The following PI4KA variants were observed in gnomAD, a reference collection of about 807,000 sequenced individuals.
PI4KA encodes PI4-kinase alpha.
Under a neutral mutation model 271.4 loss-of-function variants are expected in PI4KA, and 122 were observed. The observed-to-expected ratio is 0.45, with a 90% confidence interval of 0.39 to 0.52. The LOEUF is 0.52. Ranked by LOEUF, PI4KA falls within the 20% of genes least tolerant of loss-of-function variation. The pLI is 0.00. For missense variants in PI4KA, 1,969 were observed against 2,769.1 expected (o/e 0.71, Z 6.48); for synonymous variants, 1,041 against 1,078.8 (o/e 0.96, Z 0.69).
chr22:20,743,600 C>T (rs1929714817), intron 30 of PI4KA, among the ~76,000 whole-genome samples: 4 of 152,276 alleles, frequency 2.6e-5, no homozygotes, highest in Middle Eastern at 6.8e-3. Flanking sequence ...GGATTACTGG[C>T]GTGAGCCACT....
rs549078223 is a variant in PI4KA at position 20,832,306 on chromosome 22, G to A, written c.367+2256C>T. On this transcript the variant is annotated intron_variant, in intron 3 of 54. Coordinates refer to ENST00000255882, the MANE Select transcript of PI4KA (RefSeq NM_058004.4). ...CGATTTTTGTATTTTTGGTAAAGAT[G>A]GGGTTTCATCACCTTGGCAAGGCTG... 2.6e-5 allele frequency among the ~76,000 whole-genome samples: 4 copies of A among 151,872 alleles called. No homozygotes were observed. The East Asian group carries it at 7.8e-4, about 30-fold the overall frequency.
chr22:20,750,770 AGTTGCAGTCTT>A (rs1930593780), intron 27 of PI4KA, among the ~76,000 whole-genome samples: 1 of 152,188 alleles, frequency 6.6e-6, no homozygotes, highest in Non-Finnish European at 1.5e-5. Context: ...CTGTGAGCTG[AGTTGCAGTCTT>A]GCCACAGTGA....
intron 42 of PI4KA, among the ~76,000 whole-genome samples, chr22:20,726,007 TTTTG>T (rs149776528): frequency 0.026 from 3,972 of 152,192 alleles, 170 homozygotes; most frequent in African/African-American, 0.091. Context: ...AATTCATGTT[TTTTG>T]TTTGTTTGTT....
At chr22:20,815,939 CTTT>C (rs371208616) in intron 7 of PI4KA, among the ~76,000 whole-genome samples, 4 of 146,162 alleles carry the variant, frequency 2.7e-5, no homozygotes, top group African/African-American at 1.0e-4. Context: ...ATTGAAACTT[CTTT>C]TTTTTTTTTC....
intron 19 of PI4KA, chr22:20,780,083 C>G: frequency 6.2e-7 from 1 of 1,614,136 alleles, no homozygotes; most frequent in Non-Finnish European, 8.5e-7. Context: ...CAGACCCTGC[C>G]TTCATATCAA....
intron 19 of PI4KA, among the ~76,000 whole-genome samples, chr22:20,792,928 C>T (rs997267068): frequency 5.9e-5 from 9 of 152,152 alleles, no homozygotes; most frequent in South Asian, 2.1e-4. Flanking sequence ...GGGAGCCACC[C>T]GGCAGGGAAC....
At position 20,742,610 on chromosome 22, in the gene PI4KA, T is replaced by G; in HGVS notation, c.3611A>C (p.Lys1204Thr). 2 of 1,614,148 alleles carry G rather than the reference T, an allele frequency of 1.2e-6. No homozygotes were observed. Among genetic ancestry groups the G allele is most frequent in the Non-Finnish European group, 1.7e-6 (2 of 1,180,006 alleles). ...TCCACAGTGCTTCAGTGAGTTACCT[T>G]TACTGCTAATGAGCATTGCGGTCAG... ...FKLTAMLISS[K>T]DCDPQLLHHL... The change falls in exon 31 of 55, where the codon AAA (lysine) becomes ACA (threonine). Residue 1204 changes from lysine to threonine, a missense_variant and splice_region_variant. Coordinates refer to ENST00000255882, the MANE Select transcript of PI4KA (RefSeq NM_058004.4).
In PI4KA at chr22:20,727,757, T is replaced by A; in HGVS notation, c.4773+17A>T. 1 of 1,596,240 alleles carries A rather than the reference T, an allele frequency of 6.3e-7. No individual in the cohort carries two copies. Among genetic ancestry groups the A allele is most frequent in the Non-Finnish European group, 8.6e-7 (1 of 1,163,978 alleles). ...TGTGCAGTTTGAACTCAGGCCCTGGTACGTGGGCTACACTACCTTGATTGC... is the reference window on the plus strand; with the variant it reads ...TGTGCAGTTTGAACTCAGGCCCTGGAACGTGGGCTACACTACCTTGATTGC... On this transcript the variant is annotated intron_variant, in intron 40 of 54. Coordinates refer to ENST00000255882, the MANE Select transcript of PI4KA (RefSeq NM_058004.4).
At chr22:20,747,255 G>A (rs1033573347) in intron 29 of PI4KA, among the ~76,000 whole-genome samples, 4 of 152,082 alleles carry the variant, frequency 2.6e-5, no homozygotes, top group Admixed American at 2.0e-4. Context: ...GTGGCATCGC[G>A]CTGCCCGTGT....
intron 37 of PI4KA, 34 bp downstream of exon 37, chr22:20,729,858 A>G (rs200231868): frequency 2.4e-5 from 38 of 1,613,346 alleles, no homozygotes; most frequent in Non-Finnish European, 3.2e-5. Flanking sequence ...GATAGCTTGC[A>G]TGTGATGGCC....
At chr22:20,726,879 C>T (rs1226693437) in intron 41 of PI4KA, among the ~76,000 whole-genome samples, 1 of 151,974 alleles carries the variant, frequency 6.6e-6, no homozygotes, top group Non-Finnish European at 1.5e-5. Flanking sequence ...TGGGCTCCCA[C>T]AAGGAGTGAG....
intron 9 of PI4KA, among the ~76,000 whole-genome samples, chr22:20,807,691 TCTGCAC>T (rs1464098146): frequency 6.6e-5 from 10 of 152,190 alleles, no homozygotes; most frequent in Admixed American, 5.9e-4. Context: ...GGAGCAGCCA[TCTGCAC>T]CCTAGTAGGA....
intron 8 of PI4KA, among the ~76,000 whole-genome samples, chr22:20,811,692 C>A (rs973205896): frequency 6.6e-6 from 1 of 150,716 alleles, no homozygotes; most frequent in Non-Finnish European, 1.5e-5. Flanking sequence ...TGATAAACAT[C>A]CTAGGAAAAG....
At chr22:20,833,295 A>G (rs1266757517) in intron 3 of PI4KA, among the ~76,000 whole-genome samples, 1 of 152,162 alleles carries the variant, frequency 6.6e-6, no homozygotes, top group African/African-American at 2.4e-5. Context: ...CCACAGCCAC[A>G]ACACTCTGAA....
chr22:20,727,267 G>A lies in PI4KA; in HGVS notation c.4904C>T (p.Ala1635Val), dbSNP rs376324471. The change falls in exon 41 of 55, where the codon GCG becomes GTG. Residue 1635 changes from alanine to valine, a missense_variant. This residue lies in a region of PI4KA where 388 missense variants were observed against 521.5 expected (regional missense o/e 0.74). Coordinates refer to ENST00000255882, the MANE Select transcript of PI4KA (RefSeq NM_058004.4). ...SSMYPPHPLTAQYGVKVLRSF... is the reference protein window; with the variant it reads ...SSMYPPHPLTVQYGVKVLRSF... ...CCGCAGGACTTTCACCCCGTACTGCGCCGTGAGAGGGTGCGGCGGGTACAT... is the reference window on the plus strand; with the variant it reads ...CCGCAGGACTTTCACCCCGTACTGCACCGTGAGAGGGTGCGGCGGGTACAT... 1.7e-5 allele frequency: 27 copies of A among 1,613,340 alleles called. No homozygotes were observed. Among genetic ancestry groups the A allele is most frequent in the Non-Finnish European group, 2.0e-5 (24 of 1,179,946 alleles).
chr22:20,827,460 G>A lies in PI4KA; in HGVS notation c.368-3046C>T, dbSNP rs182576309. On this transcript the variant is annotated intron_variant, in intron 3 of 54. Transcript: ENST00000255882. ...TTTTGGTTACTGTAGCCCTGTAGTA[G>A]AGGTGAAGTTTGAAGTTGGGTAATG... is the stretch of plus-strand genomic sequence containing the variant. Among the ~76,000 whole-genome samples the A allele has an allele frequency of 3.5e-3, 538 of 152,214 alleles. 3 individuals are homozygous for A. The highest frequency in any genetic ancestry group is 6.8e-3 in the Middle Eastern group (2 of 294).
At chr22:20,791,205 A>C (rs1934625606) in intron 19 of PI4KA, among the ~76,000 whole-genome samples, 2 of 151,418 alleles carry the variant, frequency 1.3e-5, no homozygotes, top group Admixed American at 1.3e-4. Flanking sequence ...TTGAAAGTTC[A>C]CAAGAATACA....
At chr22:20,756,453 C>A (rs183515252) in intron 23 of PI4KA, among the ~76,000 whole-genome samples, 295 of 152,206 alleles carry the variant, frequency 1.9e-3, no homozygotes, top group Admixed American at 4.9e-3. Flanking sequence ...CTCCTGATCT[C>A]AAATGATCCA....
At position 20,804,296 on chromosome 22, in the gene PI4KA, T is replaced by C; in HGVS notation, c.1461+4A>G. The C allele has an allele frequency of 6.2e-7, 1 of 1,604,834 alleles. No individual in the cohort carries two copies. The highest frequency in any genetic ancestry group is 8.5e-7 in the Non-Finnish European group (1 of 1,171,468). On this transcript the variant is annotated splice_donor_region_variant and intron_variant, in intron 12 of 54. Transcript: ENST00000255882. The stretch of plus-strand genomic sequence containing the variant: ...TGAGCCTCTCTGGGTTCAGGGAGAC[T>C]GACCTGCAGACAGCAGATCAGCAGG...
Sources: gnomAD v4.1 joint callset for allele counts (sites outside exome capture counted in the v4.1 genomes callset) on GRCh38, gnomAD v4.1.1 for gene constraint, gnomAD v4.1.1 regional missense constraint, MANE v1.5 for transcripts, NCBI Gene and HGNC (gene_info 2026-07-23, HGNC 2026-07-21) for gene names.